ZNF416: variants seen among roughly 807,000 people sequenced by gnomAD.
The protein encoded by ZNF416 is zinc finger protein 416.
In ZNF416, 5 loss-of-function variants were observed where a neutral mutation model predicts 10.9. The ratio of observed to expected loss-of-function variants is 0.46; its 90% confidence interval spans 0.24 to 0.97. ZNF416 has a LOEUF of 0.97. Among genes scored for constraint, ZNF416 ranks in the 50% least tolerant of loss-of-function variants. The pLI, the probability that ZNF416 is intolerant of heterozygous loss-of-function variation, is 0.19. For missense variants in ZNF416, 675 were observed against 715.0 expected, an observed-to-expected ratio of 0.94 and a Z score of 0.64; for synonymous variants, 267 against 251.8, an observed-to-expected ratio of 1.06 and a Z score of -0.57.
At chr19:57,576,657 C>T (rs1252623959) in intron 2 of ZNF416, among the ~76,000 whole-genome samples, 2 of 152,000 alleles carry the variant, frequency 1.3e-5, no homozygotes, top group Admixed American at 6.5e-5. Flanking sequence ...AAGTCACAGC[C>T]TTCCTCTCCT....
chr19:57,572,310 T>A lies in ZNF416; in HGVS notation c.1594A>T (p.Ile532Phe). ...YDCGQCGKSF[I>F]QKSSLIQHQV... ...TGTTGAATGAGGCTAGACTTTTGGA[T>A]AAAGGATTTCCCGCACTGTCCACAG... The change falls in exon 4 of 4, where the codon ATC becomes TTC. Residue 532 changes from isoleucine to phenylalanine, a missense_variant. By Grantham distance (21) the Ile-to-Phe change is conservative. Transcript: ENST00000196489. The surrounding 1 kb of genome is among the most constrained non-coding windows in gnomAD (Gnocchi z 4.5). 6.2e-7 allele frequency: 1 copy of A among 1,614,114 alleles called. No individual in the cohort carries two copies. Among genetic ancestry groups the A allele is most frequent in the Admixed American group, 1.7e-5 (1 of 60,016 alleles).
At chr19:57,574,047 T>C (rs559841389) in intron 3 of ZNF416, among the ~76,000 whole-genome samples, 3 of 151,932 alleles carry the variant, frequency 2.0e-5, no homozygotes, top group Admixed American at 6.5e-5. Context: ...CAAAACAAAA[T>C]AAAAAACATT....
chr19:57,574,189 T>C (rs1978439162), intron 3 of ZNF416, among the ~76,000 whole-genome samples: 1 of 152,198 alleles, frequency 6.6e-6, no homozygotes, highest in Admixed American at 6.5e-5. Context: ...TCTATGTGAC[T>C]TGGATGCTTC....
chr19:57,578,038 C>G lies in ZNF416; in HGVS notation c.75+19G>C. 1 of 1,614,042 alleles carries G rather than the reference C, an allele frequency of 6.2e-7. No homozygotes were observed. The highest frequency in any genetic ancestry group is 8.5e-7 in the Non-Finnish European group (1 of 1,179,928). ...ACTGGGGTCAGCATCAGTGAGGGCC[C>G]GAAACACTCTCCACTCACCTGTGTA... On this transcript the variant is annotated intron_variant, in intron 2 of 3. Coordinates refer to ENST00000196489, the MANE Select transcript of ZNF416 (RefSeq NM_017879.3).
At chr19:57,578,562 A>G (rs1978635131) in intron 1 of ZNF416, 110 bp downstream of exon 1, 7 of 1,235,314 alleles carry the variant, frequency 5.7e-6, no homozygotes, top group South Asian at 3.8e-5. Context: ...AGGGCCTCAT[A>G]GTCCTGGACT....
At position 57,573,979 on chromosome 19, in the gene ZNF416, G is replaced by A. The variant is rs189139501; in HGVS notation, c.203-278C>T. On this transcript the variant is annotated intron_variant, in intron 3 of 3. Coordinates refer to ENST00000196489, the MANE Select transcript of ZNF416 (RefSeq NM_017879.3). Reference sequence around the variant, plus strand: ...GCAGAGGTTGCAGTGAGCCCAGATCGCACCACTGCACTCCAGCCTGGGAGA... The same window carrying A: ...GCAGAGGTTGCAGTGAGCCCAGATCACACCACTGCACTCCAGCCTGGGAGA... 2.8e-3 allele frequency among the ~76,000 whole-genome samples: 432 copies of A among 152,108 alleles called. 2 individuals carry two copies. Among genetic ancestry groups the A allele is most frequent in the African/African-American group, 9.9e-3 (409 of 41,484 alleles).
chr19:57,576,000 A>C lies in ZNF416; in HGVS notation c.76-70T>G. 1 of 1,563,356 alleles carries C rather than the reference A, an allele frequency of 6.4e-7. No homozygotes were observed. ...AGGACCCCAAGTTCATGCCCCCCAC[A>C]CATCCTTTCCCTGCTTATCCCCATA... On this transcript the variant is annotated intron_variant, in intron 2 of 3. Coordinates refer to ENST00000196489, the MANE Select transcript of ZNF416 (RefSeq NM_017879.3). This position sits in a 1 kb window ranked among gnomAD's most constrained non-coding sequence, Gnocchi z 4.4.
intron 2 of ZNF416, among the ~76,000 whole-genome samples, chr19:57,577,591 C>T (rs1978590296): frequency 6.6e-6 from 1 of 152,200 alleles, no homozygotes; most frequent in Non-Finnish European, 1.5e-5. Context: ...ATACCTCACA[C>T]TCAGCCTGTT....
rs1439793880 is a variant in ZNF416, at chr19:57,573,520, G to A, written c.384C>T (p.Tyr128=). 6.2e-7 allele frequency: 1 copy of A among 1,614,232 alleles called. No individual in the cohort carries two copies. Among genetic ancestry groups the A allele is most frequent in the South Asian group, 1.1e-5 (1 of 91,084 alleles). Residue 128 remains tyrosine, a synonymous_variant, in exon 4 of 4, where the codon TAC becomes TAT. Coordinates refer to ENST00000196489, the MANE Select transcript of ZNF416 (RefSeq NM_017879.3). ...GAAAGACCGCACATGCCCCAGTCAA[G>A]TATAGTTCCTGCCCAGGCAAATCGG... is the stretch of plus-strand genomic sequence containing the variant. ...HLTDLPGQEL[Y]LTGACAVFHQ... is the part of the protein sequence containing the mutation.
Position 57,578,687 on chromosome 19 carries a change from A to T in ZNF416, c.18T>A (p.Leu6=), listed in dbSNP as rs766381587. Residue 6 remains leucine (L), a synonymous_variant, in exon 1 of 4, where the codon CTT becomes CTA. Coordinates refer to ENST00000196489, the MANE Select transcript of ZNF416 (RefSeq NM_017879.3). The part of the protein sequence containing the change: MAAAV[L]RDSTSVPVTA... ...CAGCACTCACCGAAGTCGAATCCCT[A>T]AGCACGGCCGCCGCCATCGGATTGT... 1 of 1,552,614 alleles carries T rather than the reference A, an allele frequency of 6.4e-7. No individual in the cohort carries two copies. Among genetic ancestry groups the T allele is most frequent in the Non-Finnish European group, 8.7e-7 (1 of 1,150,664 alleles).
Position 57,572,438 on chromosome 19 carries a change from G to GTTCTCTT in ZNF416, c.1465_1466insAAGAGAA (p.Thr489LysfsTer9). The GTTCTCTT allele has an allele frequency of 1.2e-6, 2 of 1,614,244 alleles. No homozygotes were observed. The highest frequency in any genetic ancestry group is 1.7e-6 in the Non-Finnish European group (2 of 1,180,052). ...ACTGCACTCAAAAGGCCTTTCTCCA[G>GTTCTCTT]TGTGAGTTCTCTGGTGCCTAACAAG... On this transcript the variant is annotated frameshift_variant, in exon 4 of 4. Transcript: ENST00000196489. LOFTEE classifies it low-confidence loss of function (END_TRUNC). This position sits in a 1 kb window ranked among gnomAD's most constrained non-coding sequence, Gnocchi z 4.5.
At position 57,572,338 on chromosome 19, in the gene ZNF416, G is replaced by A. The variant is rs75651199; in HGVS notation, c.1566C>T (p.Tyr522=). Reference sequence around the variant, plus strand: ...AGGATTTCCCGCACTGTCCACAGTCGTAAGGCCTTAATCCAGTGTGAATTT... The same window carrying A: ...AGGATTTCCCGCACTGTCCACAGTCATAAGGCCTTAATCCAGTGTGAATTT... ...HQKIHTGLRP[Y]DCGQCGKSFI... The change falls in exon 4 of 4, where the codon TAC becomes TAT. Residue 522 remains tyrosine, a synonymous_variant. Transcript: ENST00000196489. The surrounding 1 kb of genome is among the most constrained non-coding windows in gnomAD (Gnocchi z 4.5). 3,163 of 1,614,070 alleles carry A rather than the reference G, an allele frequency of 2.0e-3. 66 individuals are homozygous for A. The East Asian group carries it at 0.047, about 24-fold the overall frequency.
Position 57,575,446 on chromosome 19 carries a change from T to A in ZNF416, c.202+358A>T, listed in dbSNP as rs1056621716. ...AGCTCATGGTCCATGTAAATACTGA[T>A]GAGGAAAATTCTGCAAATTCCTAAC... is the stretch of plus-strand genomic sequence containing the variant. On this transcript the variant is annotated intron_variant, in intron 3 of 3. Transcript: ENST00000196489. The surrounding 1 kb of genome is among the most constrained non-coding windows in gnomAD (Gnocchi z 4.4). Among the ~76,000 whole-genome samples the A allele has an allele frequency of 6.6e-6, 1 of 152,086 alleles. No individual in the cohort carries two copies. Among genetic ancestry groups the A allele is most frequent in the Non-Finnish European group, 1.5e-5 (1 of 68,016 alleles).
Position 57,573,378 on chromosome 19 carries a change from C to A in ZNF416, c.526G>T (p.Val176Phe), listed in dbSNP as rs1167270298. 6.2e-7 allele frequency: 1 copy of A among 1,614,238 alleles called. No individual in the cohort carries two copies. The stretch of plus-strand genomic sequence containing the variant: ...AATGGGGCTAGGAAGTCCTTCCCAA[C>A]CTCACTGCTGGTGAAAGGCATTCCT... ...ESGMPFTSSE[V>F]GKDFLAPLGI... Residue 176 changes from valine to phenylalanine, a missense_variant, in exon 4 of 4, where the codon GTT becomes TTT. Physicochemically the swap from Val to Phe is conservative, Grantham distance 50. Coordinates refer to ENST00000196489, the MANE Select transcript of ZNF416 (RefSeq NM_017879.3).
chr19:57,574,056 T>C (rs1226693418), intron 3 of ZNF416, among the ~76,000 whole-genome samples: 1 of 152,036 alleles, frequency 6.6e-6, no homozygotes, highest in African/African-American at 2.4e-5. Context: ...ATAAAAAACA[T>C]TGCTGGCTGG....
chr19:57,578,525 G>T (rs546512876), intron 1 of ZNF416, 147 bp downstream of exon 1: 15 of 886,886 alleles, frequency 1.7e-5, no homozygotes, highest in Non-Finnish European at 2.4e-5. Flanking sequence ...CACGACACCA[G>T]GCTTGTAAAT....
At position 57,578,167 on chromosome 19, in the gene ZNF416, G is replaced by A. The variant is rs1034331986; in HGVS notation, c.34-69C>T. On this transcript the variant is annotated intron_variant, in intron 1 of 3. Coordinates refer to ENST00000196489, the MANE Select transcript of ZNF416 (RefSeq NM_017879.3). The stretch of plus-strand genomic sequence containing the variant: ...AAGCTCCATGGGCTGATGCCTCCTT[G>A]TTTCCCTGCGCAGCCCTGGAGCCAG... The A allele has an allele frequency of 6.5e-6, 10 of 1,527,230 alleles. No individual in the cohort carries two copies. In the Admixed American group the frequency reaches 6.7e-5, roughly 10 times the overall value. 94.6% of individuals were successfully genotyped at this position (1,527,230 alleles called of 1,614,324 possible).
At chr19:57,578,121 A>T in intron 1 of ZNF416, 23 bp from the exon 2 acceptor site, 1 of 1,614,040 alleles carries the variant, frequency 6.2e-7, no homozygotes. Context: ...GAAGGCTATG[A>T]GAGGCAGGTA....
chr19:57,572,175 G>C lies in ZNF416; in HGVS notation c.1729C>G (p.Pro577Ala), dbSNP rs774289092. ...TTTCCACATTTGCTGCTGTCACGAG[G>C]CCTCTCCACAGTGTGAGATTTTCGG... ...LHRKSHTVERPRDSSKCGKPY... is the reference protein window; with the variant it reads ...LHRKSHTVERARDSSKCGKPY... The change falls in exon 4 of 4, where the codon CCT becomes GCT. Residue 577 changes from proline to alanine, a missense_variant. By Grantham distance (27) the Pro-to-Ala change is conservative. Transcript: ENST00000196489. This position sits in a 1 kb window ranked among gnomAD's most constrained non-coding sequence, Gnocchi z 4.5. The C allele has an allele frequency of 5.6e-6, 9 of 1,614,016 alleles. No homozygotes were observed. The East Asian group carries it at 8.9e-5, about 16-fold the overall frequency.
Sources: gnomAD v4.1 joint callset for allele counts (sites outside exome capture counted in the v4.1 genomes callset) on GRCh38, gnomAD v4.1.1 for gene constraint, Gnocchi (gnomAD v3.1) non-coding constraint, MANE v1.5 for transcripts, NCBI Gene and HGNC (gene_info 2026-07-23, HGNC 2026-07-21) for gene names.